The following PPP2R2C variants were observed in gnomAD, a reference collection of about 807,000 sequenced individuals.
PPP2R2C encodes protein phosphatase 2 regulatory subunit Bgamma, also known as protein phosphatase 2, regulatory subunit B, gamma.
In PPP2R2C, 10 loss-of-function variants were observed where a neutral mutation model predicts 45.3. The ratio of observed to expected loss-of-function variants is 0.22; its 90% confidence interval spans 0.14 to 0.37. The LOEUF is 0.37. Among genes scored for constraint, PPP2R2C ranks in the 10% least tolerant of loss-of-function variants. The pLI is 1.00. For missense variants in PPP2R2C, 308 were observed against 619.7 expected, an observed-to-expected ratio of 0.50 and a Z score of 5.34; for synonymous variants, 257 against 245.4, an observed-to-expected ratio of 1.05 and a Z score of -0.44.
At chr4:6,466,796 G>T (rs1162246736) in intron 1 of PPP2R2C, among the ~76,000 whole-genome samples, 1 of 152,166 alleles carries the variant, frequency 6.6e-6, no homozygotes, top group Non-Finnish European at 1.5e-5. Flanking sequence ...AATTTTATTA[G>T]AATTTGATTT....
chr4:6,349,643 A>G, intron 5 of PPP2R2C: 3 of 923,676 alleles, frequency 3.2e-6, no homozygotes, highest in Non-Finnish European at 3.9e-6. Context: ...GATCGAGACC[A>G]TTCTGGCCAA....
intron 2 of PPP2R2C, among the ~76,000 whole-genome samples, chr4:6,527,236 G>A (rs948794981): frequency 2.6e-5 from 4 of 152,218 alleles, no homozygotes; most frequent in Non-Finnish European, 5.9e-5. Flanking sequence ...ACCTTGGCCA[G>A]GGAGCGGGGA....
At chr4:6,553,169 C>G (rs576532747) in intron 1 of PPP2R2C, among the ~76,000 whole-genome samples, 1 of 152,310 alleles carries the variant, frequency 6.6e-6, no homozygotes, top group East Asian at 1.9e-4. Flanking sequence ...GAGAGCACAG[C>G]CGACCCTAGG....
chr4:6,363,996 C>T (rs550426650), intron 5 of PPP2R2C, among the ~76,000 whole-genome samples: 4 of 152,324 alleles, frequency 2.6e-5, no homozygotes, highest in African/African-American at 9.6e-5. Flanking sequence ...TACACTAGTT[C>T]CATTATTTGA....
intron 1 of PPP2R2C, chr4:6,382,012 AC>A: frequency 7.1e-7 from 1 of 1,409,696 alleles, no homozygotes; most frequent in Non-Finnish European, 9.2e-7. Flanking sequence ...TGGAAGAGAA[AC>A]CCCCACTGGA....
intron 1 of PPP2R2C, among the ~76,000 whole-genome samples, chr4:6,411,413 A>T (rs1234980104): frequency 6.6e-6 from 1 of 152,140 alleles, no homozygotes; most frequent in Non-Finnish European, 1.5e-5. Context: ...AGCAGCAGGA[A>T]GGAGGTGTCT....
chr4:6,388,782 C>T (rs529905966), intron 1 of PPP2R2C, among the ~76,000 whole-genome samples: 2 of 152,164 alleles, frequency 1.3e-5, no homozygotes, highest in South Asian at 4.1e-4. Context: ...TCAGAGGGAG[C>T]CCAGCCCTGC....
At chr4:6,411,680 G>A (rs1718211731) in intron 1 of PPP2R2C, among the ~76,000 whole-genome samples, 1 of 151,944 alleles carries the variant, frequency 6.6e-6, no homozygotes, top group Admixed American at 6.6e-5. Context: ...AGCCTCCTGA[G>A]TAGCTGGGAC....
intron 2 of PPP2R2C, among the ~76,000 whole-genome samples, chr4:6,481,873 G>A (rs570458352): frequency 1.1e-4 from 16 of 151,072 alleles, no homozygotes; most frequent in African/African-American, 3.9e-4. Context: ...CAGCTATTCC[G>A]GAGGCTGAGG....
chr4:6,365,481 C>G (rs990291910), intron 5 of PPP2R2C, among the ~76,000 whole-genome samples: 4 of 152,156 alleles, frequency 2.6e-5, no homozygotes, highest in African/African-American at 9.7e-5. Flanking sequence ...CTTTACAGCT[C>G]CTGGTAAAGG....
At chr4:6,531,528 G>C (rs1221476103) in intron 2 of PPP2R2C, among the ~76,000 whole-genome samples, 2 of 151,256 alleles carry the variant, frequency 1.3e-5, no homozygotes, top group African/African-American at 4.9e-5. Context: ...GCGGGAATGA[G>C]CAGAATCATG....
chr4:6,370,486 G>C (rs762092623), intron 5 of PPP2R2C, among the ~76,000 whole-genome samples: 44 of 152,214 alleles, frequency 2.9e-4, no homozygotes, highest in Non-Finnish European at 5.9e-5. Context: ...GCACCAGGGA[G>C]AGGTACAGGA....
At chr4:6,390,939 T>C (rs999921964) in intron 1 of PPP2R2C, among the ~76,000 whole-genome samples, 7 of 152,108 alleles carry the variant, frequency 4.6e-5, no homozygotes, top group Non-Finnish European at 1.0e-4. Context: ...AGCCTGAACT[T>C]GGTGGAGATG....
chr4:6,378,619 G>A lies in PPP2R2C; in HGVS notation c.169-47C>T. 1.9e-6 allele frequency: 3 copies of A among 1,578,528 alleles called. No individual in the cohort carries two copies. The highest frequency in any genetic ancestry group is 3.5e-5 in the Admixed American group (2 of 57,426). On this transcript the variant is annotated intron_variant, in intron 2 of 8. Transcript: ENST00000382599. The surrounding 1 kb of genome is among the most constrained non-coding windows in gnomAD (Gnocchi z 5.2). ...GGGCCTGAGCACCGTGACCTGCAGG[G>A]CGACGGCTAGGACCTCCGGGGACCC... is the stretch of plus-strand genomic sequence containing the variant.
At chr4:6,437,668 G>A (rs562209101) in intron 1 of PPP2R2C, among the ~76,000 whole-genome samples, 42 of 152,320 alleles carry the variant, frequency 2.8e-4, no homozygotes, top group African/African-American at 9.6e-4. Flanking sequence ...GGGACTCAGT[G>A]CACAGGAAAG....
At chr4:6,462,237 T>C (rs1269016227) in intron 1 of PPP2R2C, among the ~76,000 whole-genome samples, 1 of 152,110 alleles carries the variant, frequency 6.6e-6, no homozygotes, top group African/African-American at 2.4e-5. Context: ...ATCTCTAAAA[T>C]AATAATGAAG....
At chr4:6,455,651 C>G (rs1720985037) in intron 1 of PPP2R2C, among the ~76,000 whole-genome samples, 1 of 152,210 alleles carries the variant, frequency 6.6e-6, no homozygotes, top group African/African-American at 2.4e-5. Context: ...GAGCCCCCTA[C>G]TCTCCTTTCC....
At chr4:6,465,492 G>A (rs372421977) in intron 1 of PPP2R2C, among the ~76,000 whole-genome samples, 1 of 152,306 alleles carries the variant, frequency 6.6e-6, no homozygotes, top group East Asian at 1.9e-4. Flanking sequence ...GCAGAGCAGG[G>A]CCAACCCTAT....
chr4:6,530,338 C>T (rs3934625), intron 2 of PPP2R2C, among the ~76,000 whole-genome samples: 28,909 of 151,976 alleles, frequency 0.19, 3,175 homozygotes, highest in African/African-American at 0.31. Flanking sequence ...ATGCACGCGA[C>T]GTATGTAGAA....
Sources: gnomAD v4.1 joint callset for allele counts (sites outside exome capture counted in the v4.1 genomes callset) on GRCh38, gnomAD v4.1.1 for gene constraint, Gnocchi (gnomAD v3.1) non-coding constraint, MANE v1.5 for transcripts, NCBI Gene and HGNC (gene_info 2026-07-23, HGNC 2026-07-21) for gene names.